The following CSMD1 variants were observed in gnomAD, a reference collection of about 807,000 sequenced individuals.
CSMD1 encodes CUB and Sushi multiple domains 1.
A neutral mutation model predicts 417.5 loss-of-function variants in CSMD1; 213 were observed. The ratio of observed to expected loss-of-function variants is 0.51; its 90% CI spans 0.46 to 0.57. The LOEUF is 0.57. Ranked by LOEUF, CSMD1 falls within the 20% of genes least tolerant of loss-of-function variation. The pLI, the probability that CSMD1 is intolerant of heterozygous loss-of-function variation, is 0.00. For missense variants in CSMD1, 6,923 were observed against 4,529.7 expected, an observed-to-expected ratio of 1.53 and a Z score of -15.17; for synonymous variants, 2,862 against 1,736.8, an observed-to-expected ratio of 1.65 and a Z score of -16.11.
rs189045608 is a variant in CSMD1, at chr8:3,660,391, C to T, written c.1010-43594G>A. On this transcript the variant is annotated intron_variant, in intron 7 of 69. Coordinates refer to ENST00000635120, the MANE Select transcript of CSMD1 (RefSeq NM_033225.6). Reference sequence around the variant, plus strand: ...GGACCAGCACAGAAAAAGTAATCCACGTATGTTGGCATTTCTTATTGTTGT... The same window carrying T: ...GGACCAGCACAGAAAAAGTAATCCATGTATGTTGGCATTTCTTATTGTTGT... Among the ~76,000 whole-genome samples the T allele has an allele frequency of 1.7e-4, 26 of 151,620 alleles. No homozygotes were observed. The East Asian group carries it at 1.7e-3, about 10-fold the overall frequency.
intron 50 of CSMD1, among the ~76,000 whole-genome samples, chr8:3,045,305 ACTT>A (rs1811363229): frequency 6.6e-6 from 1 of 152,186 alleles, no homozygotes; most frequent in East Asian, 1.9e-4. Flanking sequence ...ACCTGCAATA[ACTT>A]CTTTACAATG....
chr8:3,885,272 A>C (rs1281330639), intron 5 of CSMD1, among the ~76,000 whole-genome samples: 1 of 152,138 alleles, frequency 6.6e-6, no homozygotes, highest in Non-Finnish European at 1.5e-5. Context: ...AGCATCAGAC[A>C]GGTGTGAGTT....
rs570524375 is a variant in CSMD1, at chr8:4,761,308, C to T, written c.86-123750G>A. 7.9e-5 allele frequency among the ~76,000 whole-genome samples: 12 copies of T among 151,790 alleles called. No homozygotes were observed. The South Asian group carries it at 2.5e-3, about 32-fold the overall frequency. On this transcript the variant is annotated intron_variant, in intron 1 of 69. Transcript: ENST00000635120. ...AAAATGCACAAGGGATTTTGAACAA[C>T]TAATGGAAACAAAATGTAAAAGTCA...
At chr8:4,873,047 T>C (rs1802825768) in intron 1 of CSMD1, among the ~76,000 whole-genome samples, 1 of 152,126 alleles carries the variant, frequency 6.6e-6, no homozygotes, top group Non-Finnish European at 1.5e-5. Context: ...AAATCGTATA[T>C]ATTTAAGGTG....
intron 1 of CSMD1, among the ~76,000 whole-genome samples, chr8:4,684,290 G>C (rs1384953669): frequency 6.6e-6 from 1 of 152,190 alleles, no homozygotes; most frequent in African/African-American, 2.4e-5. Context: ...CAAAAAATAG[G>C]AGCGCAGACT....
At chr8:4,606,275 G>C (rs1192447074) in intron 2 of CSMD1, among the ~76,000 whole-genome samples, 1 of 151,912 alleles carries the variant, frequency 6.6e-6, no homozygotes, top group Admixed American at 6.6e-5. Flanking sequence ...ATTAACCTAA[G>C]ACAAGGGACT....
intron 2 of CSMD1, among the ~76,000 whole-genome samples, chr8:4,621,598 G>A (rs924956109): frequency 8.6e-5 from 13 of 151,954 alleles, no homozygotes; most frequent in Admixed American, 1.3e-4. Context: ...AGATTTTTCT[G>A]TCTTAAATTT....
chr8:3,515,951 C>T (rs555348889), intron 10 of CSMD1, among the ~76,000 whole-genome samples: 3 of 152,262 alleles, frequency 2.0e-5, no homozygotes, highest in South Asian at 2.1e-4. Context: ...GTTTGAGTGA[C>T]GTACCAAACT....
intron 1 of CSMD1, among the ~76,000 whole-genome samples, chr8:4,696,238 T>C (rs1320298785): frequency 6.6e-6 from 1 of 152,248 alleles, no homozygotes; most frequent in Non-Finnish European, 1.5e-5. Context: ...ACAGATATGA[T>C]AGATACACAT....
chr8:4,135,441 G>A (rs913539463), intron 3 of CSMD1, among the ~76,000 whole-genome samples: 13 of 150,656 alleles, frequency 8.6e-5, no homozygotes, highest in Non-Finnish European at 1.5e-4. Context: ...AGGGAAGGAC[G>A]GAAATTATCA....
chr8:3,875,241 A>G (rs544257417), intron 5 of CSMD1, among the ~76,000 whole-genome samples: 1 of 152,292 alleles, frequency 6.6e-6, no homozygotes, highest in African/African-American at 2.4e-5. Flanking sequence ...TCATGATTTG[A>G]ATTGAGACCA....
intron 1 of CSMD1, among the ~76,000 whole-genome samples, chr8:4,865,142 A>G (rs897536079): frequency 2.6e-5 from 4 of 151,792 alleles, no homozygotes; most frequent in Non-Finnish European, 4.4e-5. Context: ...ATAACATTTT[A>G]CACAACTAAT....
intron 8 of CSMD1, among the ~76,000 whole-genome samples, chr8:3,593,174 C>A (rs1044976853): frequency 6.6e-6 from 1 of 152,182 alleles, no homozygotes; most frequent in African/African-American, 2.4e-5. Flanking sequence ...GCTGTGGAAG[C>A]CCAGTGTCAT....
At chr8:3,606,466 A>G (rs1748601641) in intron 8 of CSMD1, among the ~76,000 whole-genome samples, 1 of 151,366 alleles carries the variant, frequency 6.6e-6, no homozygotes, top group African/African-American at 2.4e-5. Flanking sequence ...AGCAGAAAAG[A>G]TATGGTATGA....
At chr8:4,426,488 T>C (rs1017292526) in intron 2 of CSMD1, among the ~76,000 whole-genome samples, 1 of 147,966 alleles carries the variant, frequency 6.8e-6, no homozygotes, top group Non-Finnish European at 1.5e-5. Flanking sequence ...ATATGACATA[T>C]ATAGTAAAGT....
chr8:4,863,078 G>A (rs1310214675), intron 1 of CSMD1, among the ~76,000 whole-genome samples: 1 of 152,050 alleles, frequency 6.6e-6, no homozygotes, highest in Non-Finnish European at 1.5e-5. Context: ...GGTGAACACT[G>A]TTATAGTAGC....
rs915641352 is a variant in CSMD1, at chr8:3,298,930, C to T, written c.3950+8765G>A. Among the ~76,000 whole-genome samples the T allele has an allele frequency of 3.3e-5, 5 of 152,144 alleles. No homozygotes were observed. The East Asian group carries it at 7.7e-4, about 23-fold the overall frequency. On this transcript the variant is annotated intron_variant, in intron 25 of 69. Transcript: ENST00000635120. The stretch of plus-strand genomic sequence containing the variant: ...GGGTGTTTCTTTTGTGAACAAGCCA[C>T]ATGGCAGTTTTTATGCTATATGCTA...
At chr8:4,926,746 C>T (rs992571744) in intron 1 of CSMD1, among the ~76,000 whole-genome samples, 31 of 152,052 alleles carry the variant, frequency 2.0e-4, no homozygotes, top group African/African-American at 6.8e-4. Flanking sequence ...CTGTGACTTA[C>T]ATTTTAAATT....
At chr8:3,197,839 C>T (rs975217280) in intron 33 of CSMD1, among the ~76,000 whole-genome samples, 6 of 152,088 alleles carry the variant, frequency 3.9e-5, no homozygotes, top group African/African-American at 1.4e-4. Context: ...CATGTGTATG[C>T]AAAACTTTTA....
Sources: allele counts gnomAD v4.1 joint callset (sites outside exome capture counted in the v4.1 genomes callset), GRCh38; gene constraint gnomAD v4.1.1; transcripts MANE v1.5; gene names NCBI Gene and HGNC (gene_info 2026-07-23, HGNC 2026-07-21).